The following SOX5 variants were observed in gnomAD, a reference collection of about 807,000 sequenced individuals.
SOX5 encodes the protein transcription factor SOX-5.
In SOX5, 9 loss-of-function variants were observed where a neutral mutation model predicts 92.0. The observed-to-expected ratio is 0.10, with a 90% confidence interval of 0.06 to 0.17. The LOEUF (loss-of-function observed/expected upper bound fraction) is 0.17. Ranked by LOEUF, SOX5 falls within the 10% of genes least tolerant of loss-of-function variation. SOX5 has a pLI of 1.00. For synonymous variants in SOX5, 344 were observed against 336.3 expected (o/e 1.02, Z -0.25); for missense variants, 642 against 944.5 (o/e 0.68, Z 4.20).
intron 2 of SOX5, among the ~76,000 whole-genome samples, chr12:24,352,426 G>T (rs1401098305): frequency 6.6e-6 from 1 of 152,216 alleles, no homozygotes; most frequent in South Asian, 2.1e-4. Flanking sequence ...ACAACAGCGG[G>T]GTCCCACAGG....
chr12:23,900,532 A>T (rs944336606), intron 1 of SOX5, among the ~76,000 whole-genome samples: 2 of 152,172 alleles, frequency 1.3e-5, no homozygotes, highest in African/African-American at 2.4e-5. Flanking sequence ...TTACCTGGAG[A>T]GGTTTAAAAA....
chr12:24,510,570 C>T (rs957117638), intron 1 of SOX5, among the ~76,000 whole-genome samples: 49 of 152,226 alleles, frequency 3.2e-4, no homozygotes, highest in African/African-American at 1.2e-3. Context: ...ACACAGATCA[C>T]TGGCACCAGA....
intron 1 of SOX5, among the ~76,000 whole-genome samples, chr12:24,420,272 A>G (rs1782591695): frequency 6.6e-6 from 1 of 152,230 alleles, no homozygotes; most frequent in African/African-American, 2.4e-5. Flanking sequence ...ACCAGAAAAC[A>G]GCGCTTCTTG....
At position 23,563,417 on chromosome 12, in the gene SOX5, A is replaced by G. The variant is rs1359631216; in HGVS notation, c.1343-14T>C. On this transcript the variant is annotated splice_polypyrimidine_tract_variant and intron_variant, in intron 10 of 14. Transcript: ENST00000451604. ...CATTTAAGTAACCTGAACATGAGAC[A>G]GATCAAAGGATATCTTTTGTATAAA... 1 of 1,610,458 alleles carries G rather than the reference A, an allele frequency of 6.2e-7. No individual in the cohort carries two copies. The highest frequency in any genetic ancestry group is 1.1e-5 in the South Asian group (1 of 90,396).
intron 4 of SOX5, among the ~76,000 whole-genome samples, chr12:24,022,927 A>G (rs1954472148): frequency 1.3e-5 from 2 of 152,130 alleles, no homozygotes; most frequent in South Asian, 4.2e-4. Context: ...TGGGTAAAAA[A>G]AAAAAACTGG....
At chr12:24,363,730 G>T (rs1417422623) in intron 2 of SOX5, among the ~76,000 whole-genome samples, 1 of 137,250 alleles carries the variant, frequency 7.3e-6, no homozygotes, top group Non-Finnish European at 1.6e-5. Context: ...AAAAAAAAAA[G>T]TCTGATTCAT....
chr12:24,014,005 G>A (rs1953272145), intron 4 of SOX5, among the ~76,000 whole-genome samples: 1 of 152,152 alleles, frequency 6.6e-6, no homozygotes, highest in African/African-American at 2.4e-5. Flanking sequence ...AGAGAGATGG[G>A]TAATACCATT....
intron 6 of SOX5, among the ~76,000 whole-genome samples, chr12:23,730,783 C>T (rs2093361405): frequency 6.6e-6 from 1 of 152,132 alleles, no homozygotes; most frequent in Non-Finnish European, 1.5e-5. Context: ...CTAAACCTAC[C>T]ACCACTCTTT....
chr12:24,486,428 G>A (rs1946536678), intron 1 of SOX5, among the ~76,000 whole-genome samples: 1 of 152,178 alleles, frequency 6.6e-6, no homozygotes, highest in African/African-American at 2.4e-5. Context: ...ATCTGAAGCA[G>A]TTACAATGGG....
At chr12:23,675,583 C>T (rs2085535688) in intron 6 of SOX5, among the ~76,000 whole-genome samples, 1 of 152,012 alleles carries the variant, frequency 6.6e-6, no homozygotes, top group South Asian at 2.1e-4. Flanking sequence ...AAATGTAAGA[C>T]CTGAAACAAT....
intron 8 of SOX5, among the ~76,000 whole-genome samples, chr12:23,619,642 T>C (rs567834665): frequency 6.6e-6 from 1 of 152,238 alleles, no homozygotes; most frequent in Admixed American, 6.6e-5. Context: ...TGGGCTCTTC[T>C]GATAAAAAGC....
chr12:24,325,676 G>A (rs748048291), intron 2 of SOX5, among the ~76,000 whole-genome samples: 1 of 152,196 alleles, frequency 6.6e-6, no homozygotes, highest in Non-Finnish European at 1.5e-5. Flanking sequence ...GAAAAGACAT[G>A]TTTTAGATAT....
At chr12:24,136,276 C>G (rs183150163) in intron 4 of SOX5, among the ~76,000 whole-genome samples, 1 of 152,188 alleles carries the variant, frequency 6.6e-6, no homozygotes, top group Admixed American at 6.5e-5. Flanking sequence ...AGGGGAGACA[C>G]GCAGTGGAGT....
chr12:23,980,528 C>T (rs927331824), intron 4 of SOX5, among the ~76,000 whole-genome samples: 1 of 152,074 alleles, frequency 6.6e-6, no homozygotes, highest in African/African-American at 2.4e-5. Context: ...ACAAAGAATC[C>T]TGATGCATAT....
intron 2 of SOX5, among the ~76,000 whole-genome samples, chr12:24,326,588 A>C (rs989226495): frequency 6.6e-6 from 1 of 152,172 alleles, no homozygotes; most frequent in East Asian, 1.9e-4. Flanking sequence ...TACAATATCC[A>C]GCATGTTCCC....
chr12:24,257,766 CA>C (rs745712825), intron 3 of SOX5, among the ~76,000 whole-genome samples: 10 of 152,090 alleles, frequency 6.6e-5, no homozygotes, highest in Non-Finnish European at 8.8e-5. Flanking sequence ...CGTACCCGAC[CA>C]AAGCTCCAGT....
At chr12:23,855,294 G>A (rs2096674662) in intron 2 of SOX5, among the ~76,000 whole-genome samples, 2 of 151,724 alleles carry the variant, frequency 1.3e-5, no homozygotes, top group Admixed American at 1.3e-4. Context: ...TTGTTTTTAA[G>A]AGAATAAAAG....
chr12:24,194,719 A>G (rs1594135591), intron 4 of SOX5, among the ~76,000 whole-genome samples: 1 of 152,240 alleles, frequency 6.6e-6, no homozygotes, highest in East Asian at 1.9e-4. Flanking sequence ...GCTGGCATTC[A>G]GGACTCCATT....
chr12:24,195,375 A>G (rs1454335921), intron 4 of SOX5, among the ~76,000 whole-genome samples: 2 of 152,192 alleles, frequency 1.3e-5, no homozygotes, highest in African/African-American at 4.8e-5. Flanking sequence ...AAGAGTCACA[A>G]TTTCAACCTA....
Sources: gnomAD v4.1 joint callset for allele counts (sites outside exome capture counted in the v4.1 genomes callset) on GRCh38, gnomAD v4.1.1 for gene constraint, MANE v1.5 for transcripts, NCBI Gene and HGNC (gene_info 2026-07-23, HGNC 2026-07-21) for gene names.